The following NALF1 variants were observed in gnomAD, a reference collection of about 807,000 sequenced individuals.
NALF1 encodes the protein family with sequence similarity 155 member A.
A neutral mutation model predicts 48.4 loss-of-function variants in NALF1; 3 were observed. That is an observed-to-expected ratio of 0.06 (90% confidence interval 0.03 to 0.16). The LOEUF (loss-of-function observed/expected upper bound fraction) is 0.16, where lower values mean the gene tolerates loss of function less well. Ranked by LOEUF, NALF1 falls within the 10% of genes least tolerant of loss-of-function variation. NALF1 has a pLI of 1.00. For synonymous variants in NALF1, 262 were observed against 245.7 expected, an observed-to-expected ratio of 1.07 and a Z score of -0.62; for missense variants, 526 against 571.5, an observed-to-expected ratio of 0.92 and a Z score of 0.81.
chr13:107,739,060 A>C (rs909720241), intron 1 of NALF1, among the ~76,000 whole-genome samples: 16 of 152,138 alleles, frequency 1.1e-4, no homozygotes, highest in African/African-American at 3.6e-4. Context: ...TAATACAGGG[A>C]CAGAAAACCA....
intron 1 of NALF1, among the ~76,000 whole-genome samples, chr13:107,358,168 ATGTGTGTGTG>A (rs59782928): frequency 1.4e-5 from 2 of 143,908 alleles, no homozygotes. Context: ...TACGTAACAT[ATGTGTGTGTG>A]TGTGTGTGTG....
chr13:107,353,287 GT>G (rs35178504), intron 1 of NALF1, among the ~76,000 whole-genome samples: 2 of 152,148 alleles, frequency 1.3e-5, no homozygotes, highest in Non-Finnish European at 2.9e-5. Context: ...CCTTATGTCA[GT>G]TTTTTAGTGA....
intron 1 of NALF1, among the ~76,000 whole-genome samples, chr13:107,359,727 A>C (rs1474289332): frequency 6.6e-6 from 1 of 151,560 alleles, no homozygotes; most frequent in East Asian, 2.0e-4. Context: ...ATAACTTTTT[A>C]AGTGGGGTCT....
intron 1 of NALF1, among the ~76,000 whole-genome samples, chr13:107,476,428 A>T (rs1401182742): frequency 6.6e-6 from 1 of 152,136 alleles, no homozygotes; most frequent in East Asian, 1.9e-4. Flanking sequence ...AAGAAAATTA[A>T]ATTAGATTAA....
intron 1 of NALF1, among the ~76,000 whole-genome samples, chr13:107,242,792 A>T (rs1880503262): frequency 1.3e-5 from 2 of 152,148 alleles, no homozygotes; most frequent in South Asian, 4.2e-4. Context: ...AGGTTATACA[A>T]GTTCTCTGGG....
chr13:107,188,640 A>G (rs1011339850), intron 2 of NALF1, among the ~76,000 whole-genome samples: 3 of 152,192 alleles, frequency 2.0e-5, no homozygotes, highest in Non-Finnish European at 2.9e-5. Context: ...CATTACATCT[A>G]ATATTAATAG....
intron 1 of NALF1, among the ~76,000 whole-genome samples, chr13:107,742,832 A>G (rs1040325438): frequency 6.6e-6 from 1 of 152,194 alleles, no homozygotes; most frequent in Admixed American, 6.5e-5. Context: ...CTGGCACCCA[A>G]CAACCACCAG....
At chr13:107,248,130 GAA>G (rs1370172624) in intron 1 of NALF1, among the ~76,000 whole-genome samples, 1 of 151,854 alleles carries the variant, frequency 6.6e-6, no homozygotes, top group Non-Finnish European at 1.5e-5. Context: ...GAATGAGGGA[GAA>G]ACATTATTTA....
intron 1 of NALF1, among the ~76,000 whole-genome samples, chr13:107,517,214 A>T (rs1876084142): frequency 6.6e-6 from 1 of 152,226 alleles, no homozygotes; most frequent in East Asian, 1.9e-4. Flanking sequence ...AAATATCAGA[A>T]CATTTTATAA....
chr13:107,534,880 T>C (rs1284576592), intron 1 of NALF1, among the ~76,000 whole-genome samples: 1 of 152,166 alleles, frequency 6.6e-6, no homozygotes, highest in Non-Finnish European at 1.5e-5. Flanking sequence ...ATTTTTTTCT[T>C]CTGACTCAAA....
chr13:107,706,384 T>C (rs1324239098), intron 1 of NALF1, among the ~76,000 whole-genome samples: 1 of 152,196 alleles, frequency 6.6e-6, no homozygotes, highest in African/African-American at 2.4e-5. Flanking sequence ...ACAGATTCTA[T>C]CAGCAGTTAC....
intron 1 of NALF1, among the ~76,000 whole-genome samples, chr13:107,242,283 G>A (rs1469808170): frequency 6.6e-6 from 1 of 152,194 alleles, no homozygotes; most frequent in Non-Finnish European, 1.5e-5. Context: ...GCAGCCGAGT[G>A]TCCTCACAGT....
At chr13:107,227,388 CAA>C (rs761697475) in intron 1 of NALF1, among the ~76,000 whole-genome samples, 33 of 152,200 alleles carry the variant, frequency 2.2e-4, no homozygotes, top group Non-Finnish European at 3.8e-4. Context: ...GTTTAAGACA[CAA>C]AGTGTGCACA....
Position 107,174,369 on chromosome 13 carries a change from T to TA in NALF1, c.1088-3584_1088-3583insT, listed in dbSNP as rs1566441052. 2.9e-4 allele frequency among the ~76,000 whole-genome samples: 44 copies of TA among 149,246 alleles called. 1 individual carries two copies. Among genetic ancestry groups the TA allele is most frequent in the African/African-American group, 7.9e-4 (32 of 40,442 alleles). ...TTTATTTATTTATTTATTTATTTTTTTTTTTGAGACAGAGTCTCGCTCTGT... is the reference window on the plus strand; with the variant it reads ...TTTATTTATTTATTTATTTATTTTTTATTTTTGAGACAGAGTCTCGCTCTGT... On this transcript the variant is annotated intron_variant, in intron 2 of 2. Transcript: ENST00000375915.
chr13:107,854,716 C>CA (rs1214468687), intron 1 of NALF1, among the ~76,000 whole-genome samples: 3 of 151,428 alleles, frequency 2.0e-5, no homozygotes, highest in African/African-American at 4.8e-5. Flanking sequence ...ACTAAAAGTA[C>CA]AAAAAAAATT....
intron 1 of NALF1, among the ~76,000 whole-genome samples, chr13:107,533,140 T>C (rs1006254275): frequency 6.6e-5 from 10 of 152,172 alleles, no homozygotes; most frequent in Non-Finnish European, 1.3e-4. Flanking sequence ...ACCATAACTT[T>C]TAATGAGGCT....
At chr13:107,782,930 C>A (rs1349979712) in intron 1 of NALF1, among the ~76,000 whole-genome samples, 1 of 144,354 alleles carries the variant, frequency 6.9e-6, no homozygotes, top group Non-Finnish European at 1.5e-5. Context: ...GTGGGGGTCA[C>A]CCCCCGCCCG....
chr13:107,690,261 G>C (rs1242150313), intron 1 of NALF1, among the ~76,000 whole-genome samples: 2 of 152,302 alleles, frequency 1.3e-5, no homozygotes, highest in Middle Eastern at 3.4e-3. Flanking sequence ...TAATGCACTC[G>C]AAGCTTCAAA....
intron 1 of NALF1, among the ~76,000 whole-genome samples, chr13:107,431,688 G>A (rs1884384392): frequency 6.6e-6 from 1 of 152,124 alleles, no homozygotes. Context: ...ACTAAGTAAT[G>A]TATCTCAAAT....
Sources: allele counts gnomAD v4.1 joint callset (sites outside exome capture counted in the v4.1 genomes callset), GRCh38; gene constraint gnomAD v4.1.1; transcripts MANE v1.5; gene names NCBI Gene and HGNC (gene_info 2026-07-23, HGNC 2026-07-21).